The following CBLN2 variants were observed in gnomAD, a reference collection of about 807,000 sequenced individuals.
CBLN2 encodes the protein cerebellin-2.
A neutral mutation model predicts 15.0 loss-of-function variants in CBLN2; 7 were observed. That is an observed-to-expected ratio of 0.47 (90% CI 0.27 to 0.88). The LOEUF (loss-of-function observed/expected upper bound fraction) is 0.88, where lower values mean the gene tolerates loss of function less well. Among genes scored for constraint, CBLN2 ranks in the 40% least tolerant of loss-of-function variants. CBLN2 has a pLI of 0.14. For missense variants in CBLN2, 242 were observed against 304.5 expected (o/e 0.79, Z 1.53); for synonymous variants, 149 against 135.2 (o/e 1.10, Z -0.71).
intron 1 of CBLN2, among the ~76,000 whole-genome samples, chr18:72,589,498 A>G (rs950849836): frequency 8.5e-5 from 13 of 152,200 alleles, no homozygotes; most frequent in African/African-American, 2.7e-4. Context: ...GTTAAACTCA[A>G]TCTCAGGCAT....
upstream of CBLN2, among the ~76,000 whole-genome samples, chr18:72,544,792 G>A (rs760769837): frequency 9.6e-4 from 146 of 152,132 alleles, 1 homozygote; most frequent in East Asian, 1.6e-3. Context: ...ATGCTGCGGT[G>A]AGGTTATCAT....
intron 1 of CBLN2, among the ~76,000 whole-genome samples, chr18:72,584,764 C>G (rs1374582660): frequency 6.6e-6 from 1 of 152,138 alleles, no homozygotes; most frequent in Admixed American, 6.5e-5. Context: ...AATATATAAA[C>G]CTTAAAGTGT....
At chr18:72,629,471 TA>T (rs1448935507) in intron 1 of CBLN2, among the ~76,000 whole-genome samples, 1 of 151,640 alleles carries the variant, frequency 6.6e-6, no homozygotes, top group Non-Finnish European at 1.5e-5. Flanking sequence ...TTAAAAAAAA[TA>T]AAAATAAAAA....
In CBLN2 at chr18:72,538,227, C is replaced by T. The variant is rs2069082139; in HGVS notation, c.624G>A (p.Met208Ile). The change falls in exon 5 of 5, where the codon ATG (methionine) becomes ATA (isoleucine). Residue 208 changes from methionine to isoleucine, a missense_variant. This residue lies in a region of CBLN2 where 31 missense variants were observed against 36.3 expected (regional missense o/e 0.86). Coordinates refer to ENST00000269503, the MANE Select transcript of CBLN2 (RefSeq NM_182511.4). ...VHLKLERGNL[M>I]GGWKYSTFSG... ...AGAATGTGGAGTATTTCCAGCCCCC[C>T]ATGAGGTTGCCTCTCTCAAGTTTGA... The T allele has an allele frequency of 6.2e-7, 1 of 1,614,130 alleles. No individual in the cohort carries two copies. The highest frequency in any genetic ancestry group is 8.5e-7 in the Non-Finnish European group (1 of 1,180,028).
chr18:72,632,237 T>C (rs2069782059), intron 1 of CBLN2, among the ~76,000 whole-genome samples: 1 of 152,190 alleles, frequency 6.6e-6, no homozygotes, highest in Non-Finnish European at 1.5e-5. Context: ...ACATCATTCA[T>C]ACAAATTATA....
intron 1 of CBLN2, among the ~76,000 whole-genome samples, chr18:72,627,918 T>A (rs2069751045): frequency 1.3e-5 from 2 of 152,246 alleles, no homozygotes; most frequent in Non-Finnish European, 2.9e-5. Flanking sequence ...ATGTGTTTAA[T>A]AAAATGCCTA....
chr18:72,562,150 G>A (rs772754620), intron 1 of CBLN2, among the ~76,000 whole-genome samples: 1 of 152,188 alleles, frequency 6.6e-6, no homozygotes, highest in Non-Finnish European at 1.5e-5. Context: ...TTTGAAGCCA[G>A]CTATGTATCA....
chr18:72,573,219 G>T (rs899573929), intron 1 of CBLN2, among the ~76,000 whole-genome samples: 1 of 152,184 alleles, frequency 6.6e-6, no homozygotes, highest in South Asian at 2.1e-4. Flanking sequence ...GGAGACAGAC[G>T]CAAGTTTTGT....
At chr18:72,570,352 C>T (rs1344229082) in intron 1 of CBLN2, among the ~76,000 whole-genome samples, 7 of 150,514 alleles carry the variant, frequency 4.7e-5, no homozygotes, top group African/African-American at 1.5e-4. Context: ...ATATGCCCAC[C>T]TCAGCCTCCC....
chr18:72,545,224 T>G (rs1170409247), upstream of CBLN2, among the ~76,000 whole-genome samples: 1 of 152,180 alleles, frequency 6.6e-6, no homozygotes, highest in East Asian at 1.9e-4. Flanking sequence ...CTCTAAGCAC[T>G]GGAGATGAAA....
At chr18:72,548,751 G>T (rs544109624), upstream of CBLN2, among the ~76,000 whole-genome samples, 1 of 152,268 alleles carries the variant, frequency 6.6e-6, no homozygotes, top group South Asian at 2.1e-4. Context: ...TTCTGACCTT[G>T]TGCACGCAGC....
chr18:72,538,685 C>T lies in CBLN2; in HGVS notation c.445G>A (p.Val149Met), dbSNP rs1193984103. 1.9e-6 allele frequency: 3 copies of T among 1,613,900 alleles called. No individual in the cohort carries two copies. The highest frequency in any genetic ancestry group is 2.5e-6 in the Non-Finnish European group (3 of 1,179,988). ...GTTTGTCTGTTATACACTTTGACCA[C>T]GTGGAAGCTGAAGCTATAAATCCCT... ...RKGIYSFSFHVVKVYNRQTIQ... is the reference protein window; with the variant it reads ...RKGIYSFSFHMVKVYNRQTIQ... Residue 149 changes from valine (V) to methionine (M), a missense_variant, in exon 4 of 5, where the codon GTG becomes ATG. By Grantham distance (21) the Val-to-Met change is conservative. Around this residue, in one of 4 missense-constraint regions of CBLN2, gnomAD observed 26 missense variants for 70.3 expected, o/e 0.37. Coordinates refer to ENST00000269503, the MANE Select transcript of CBLN2 (RefSeq NM_182511.4).
At chr18:72,584,304 T>A (rs2069426454) in intron 1 of CBLN2, among the ~76,000 whole-genome samples, 2 of 151,762 alleles carry the variant, frequency 1.3e-5, no homozygotes, top group South Asian at 4.2e-4. Flanking sequence ...AAAAAAAAAT[T>A]ACCAATCCTT....
chr18:72,593,803 A>G (rs150034299), intron 1 of CBLN2, among the ~76,000 whole-genome samples: 4 of 152,314 alleles, frequency 2.6e-5, no homozygotes, highest in African/African-American at 9.6e-5. Flanking sequence ...ATGATGTATC[A>G]CATGGATTAA....
intron 1 of CBLN2, among the ~76,000 whole-genome samples, chr18:72,572,103 A>G (rs1321593205): frequency 2.0e-5 from 3 of 152,118 alleles, no homozygotes; most frequent in South Asian, 4.1e-4. Context: ...CCCATAATCT[A>G]GGGTTTGGGC....
At chr18:72,577,596 C>T (rs12954231) in intron 1 of CBLN2, among the ~76,000 whole-genome samples, 2 of 152,038 alleles carry the variant, frequency 1.3e-5, no homozygotes, top group African/African-American at 4.8e-5. Flanking sequence ...TTAACACTTG[C>T]GTATTAACTA....
At chr18:72,574,105 GT>G (rs1208891647) in intron 1 of CBLN2, among the ~76,000 whole-genome samples, 3 of 151,968 alleles carry the variant, frequency 2.0e-5, no homozygotes, top group South Asian at 2.1e-4. Context: ...GTCTGTTTAG[GT>G]TTTTTGCTCA....
chr18:72,621,433 A>C (rs1051959547), intron 1 of CBLN2, among the ~76,000 whole-genome samples: 5 of 152,220 alleles, frequency 3.3e-5, no homozygotes, highest in African/African-American at 1.2e-4. Context: ...TTCTTTGTAA[A>C]GATTACATAG....
chr18:72,566,372 T>G lies in CBLN2; in HGVS notation c.16-27600A>C, dbSNP rs533674943. Among the ~76,000 whole-genome samples, 19 of 152,336 alleles carry G rather than the reference T, an allele frequency of 1.2e-4. No homozygotes were observed. The East Asian group carries it at 3.7e-3, about 29-fold the overall frequency. On this transcript the variant is annotated intron_variant, in intron 1 of 2. Transcript: ENST00000581073. Reference sequence around the variant, plus strand: ...TCAGAGACATTTGCACTCTCATGTTTATTGTGGCATTATTTACGGTAGTCA... The same window carrying G: ...TCAGAGACATTTGCACTCTCATGTTGATTGTGGCATTATTTACGGTAGTCA...
Sources: gnomAD v4.1 joint callset for allele counts (sites outside exome capture counted in the v4.1 genomes callset) on GRCh38, gnomAD v4.1.1 for gene constraint, gnomAD v4.1.1 regional missense constraint, MANE v1.5 for transcripts, NCBI Gene and HGNC (gene_info 2026-07-23, HGNC 2026-07-21) for gene names.